The following WWOX variants were observed in gnomAD, a reference collection of about 807,000 sequenced individuals.
WWOX encodes WW domain-containing oxidoreductase.
In WWOX, 69 loss-of-function variants were observed where a neutral mutation model predicts 46.2. The ratio of observed to expected loss-of-function variants is 1.49; its 90% CI spans 1.23 to 1.82. The LOEUF (loss-of-function observed/expected upper bound fraction) is 1.82. WWOX is among the 40% of genes most tolerant of loss of function. WWOX has a pLI of 0.00. For synonymous variants in WWOX, 359 were observed against 202.6 expected, an observed-to-expected ratio of 1.77 and a Z score of -6.56; for missense variants, 919 against 542.6, an observed-to-expected ratio of 1.69 and a Z score of -6.89.
intron 8 of WWOX, among the ~76,000 whole-genome samples, chr16:78,678,530 G>T (rs1199406334): frequency 6.6e-6 from 1 of 152,206 alleles, no homozygotes; most frequent in Admixed American, 6.5e-5. Flanking sequence ...GCTGGGCAAG[G>T]CGGAGATCCA....
chr16:79,028,776 A>C (rs570771951), intron 8 of WWOX, among the ~76,000 whole-genome samples: 1 of 151,944 alleles, frequency 6.6e-6, no homozygotes, highest in East Asian at 1.9e-4. Flanking sequence ...TTATCTGGAT[A>C]ATTACATTTG....
At chr16:78,834,251 G>T (rs902368148) in intron 8 of WWOX, among the ~76,000 whole-genome samples, 1 of 152,238 alleles carries the variant, frequency 6.6e-6, no homozygotes. Context: ...ACATGGAGAG[G>T]CCCAAAAGGC....
intron 8 of WWOX, among the ~76,000 whole-genome samples, chr16:78,664,149 C>G (rs552860443): frequency 6.6e-6 from 1 of 152,266 alleles, no homozygotes; most frequent in South Asian, 2.1e-4. Flanking sequence ...TTAAAGAGAG[C>G]AACTAAGGTG....
At chr16:78,913,621 A>G (rs368332676) in intron 8 of WWOX, among the ~76,000 whole-genome samples, 1 of 151,426 alleles carries the variant, frequency 6.6e-6, no homozygotes, top group East Asian at 1.9e-4. Flanking sequence ...CATAGTAGCA[A>G]GCATTACCCC....
At chr16:79,005,528 G>A (rs547573818) in intron 8 of WWOX, among the ~76,000 whole-genome samples, 30 of 152,264 alleles carry the variant, frequency 2.0e-4, no homozygotes, top group Non-Finnish European at 3.4e-4. Context: ...CTATGGGGGC[G>A]TCCTCTTTGC....
At position 78,720,272 on chromosome 16, in the gene WWOX, G is replaced by C. The variant is rs142512427; in HGVS notation, c.1056+287520G>C. Among the ~76,000 whole-genome samples, 447 of 149,304 alleles carry C rather than the reference G, an allele frequency of 3.0e-3. 2 individuals are homozygous for C. The highest frequency in any genetic ancestry group is 0.011 in the African/African-American group (430 of 38,974). ...ATTATGTGCGCGTGTGTGAAACAAGGGAATCTTAATCATCTGAACCTGACG... is the reference window on the plus strand; with the variant it reads ...ATTATGTGCGCGTGTGTGAAACAAGCGAATCTTAATCATCTGAACCTGACG... On this transcript the variant is annotated intron_variant, in intron 8 of 8. Transcript: ENST00000566780.
intron 5 of WWOX, among the ~76,000 whole-genome samples, chr16:78,330,641 C>T (rs980869087): frequency 1.1e-4 from 17 of 152,206 alleles, no homozygotes; most frequent in African/African-American, 2.4e-4. Flanking sequence ...GTGATCCGCC[C>T]GCCTTGGCCT....
At chr16:78,834,545 G>C (rs2051922704) in intron 8 of WWOX, among the ~76,000 whole-genome samples, 1 of 152,128 alleles carries the variant, frequency 6.6e-6, no homozygotes, top group Non-Finnish European at 1.5e-5. Flanking sequence ...CTGAAGGCTG[G>C]CAGAAAGGAC....
At position 78,420,769 on chromosome 16, in the gene WWOX, A is replaced by T. The variant is rs529607107; in HGVS notation, c.606-4101A>T. Among the ~76,000 whole-genome samples, 3 of 151,828 alleles carry T rather than the reference A, an allele frequency of 2.0e-5. No individual in the cohort carries two copies. The South Asian group carries it at 6.3e-4, about 32-fold the overall frequency. On this transcript the variant is annotated intron_variant, in intron 6 of 8. Transcript: ENST00000566780. ...AGTATACATAGGTAGATTTTATGGT[A>T]TGTGCATTATATTTCAGTAAAGTTC... is the stretch of plus-strand genomic sequence containing the variant.
intron 8 of WWOX, among the ~76,000 whole-genome samples, chr16:78,511,580 TC>T (rs1276369013): frequency 2.0e-5 from 3 of 152,166 alleles, no homozygotes; most frequent in African/African-American, 7.2e-5. Context: ...CACTTACATC[TC>T]CCAATATATT....
intron 8 of WWOX, among the ~76,000 whole-genome samples, chr16:79,022,182 G>C (rs1482597512): frequency 6.6e-6 from 1 of 152,136 alleles, no homozygotes; most frequent in Non-Finnish European, 1.5e-5. Flanking sequence ...AGGTATAAAA[G>C]GTAGAGTTGC....
At chr16:78,672,724 G>A (rs369113021) in intron 8 of WWOX, among the ~76,000 whole-genome samples, 5 of 152,178 alleles carry the variant, frequency 3.3e-5, no homozygotes, top group African/African-American at 7.2e-5. Flanking sequence ...CCAGAGGACC[G>A]TTACTGGTCT....
At chr16:78,963,924 TAA>T (rs1222251339) in intron 8 of WWOX, among the ~76,000 whole-genome samples, 14 of 152,308 alleles carry the variant, frequency 9.2e-5, no homozygotes, top group South Asian at 4.1e-4. Flanking sequence ...TGAAAGTGAA[TAA>T]GTTTCATAAG....
At chr16:79,011,135 CCACACACACACACA>C (rs10611855) in intron 8 of WWOX, among the ~76,000 whole-genome samples, 3,259 of 146,266 alleles carry the variant, frequency 0.022, 61 homozygotes, top group Non-Finnish European at 0.032. Context: ...ACTCACACAT[CCACACACACACACA>C]CACACACACA....
intron 8 of WWOX, among the ~76,000 whole-genome samples, chr16:79,195,472 G>C (rs913473902): frequency 1.3e-5 from 2 of 152,154 alleles, no homozygotes; most frequent in African/African-American, 4.8e-5. Flanking sequence ...TTCCTGAGGA[G>C]GGACTCATAG....
chr16:78,206,396 A>G (rs2036397534), intron 5 of WWOX, among the ~76,000 whole-genome samples: 1 of 152,174 alleles, frequency 6.6e-6, no homozygotes, highest in Non-Finnish European at 1.5e-5. Context: ...AAAAAGGTAA[A>G]GGTAAAGTAC....
At chr16:79,055,493 G>A (rs965675094) in intron 8 of WWOX, among the ~76,000 whole-genome samples, 1 of 152,130 alleles carries the variant, frequency 6.6e-6, no homozygotes, top group African/African-American at 2.4e-5. Context: ...TGTGGAGCGG[G>A]AAATGGCCAA....
chr16:78,527,229 C>G (rs898837343), intron 8 of WWOX, among the ~76,000 whole-genome samples: 1 of 151,736 alleles, frequency 6.6e-6, no homozygotes, highest in Non-Finnish European at 1.5e-5. Flanking sequence ...GACTTTGAAT[C>G]AATTCTTCTA....
intron 8 of WWOX, chr16:78,899,030 A>G (rs940918274): frequency 6.6e-6 from 1 of 152,092 alleles, no homozygotes; most frequent in South Asian, 2.1e-4. Context: ...AGAATTCTCT[A>G]CATCTCTGAA....
Sources: allele counts gnomAD v4.1 joint callset (sites outside exome capture counted in the v4.1 genomes callset), GRCh38; gene constraint gnomAD v4.1.1; transcripts MANE v1.5; gene names NCBI Gene and HGNC (gene_info 2026-07-23, HGNC 2026-07-21).